The following NELL2 variants were observed in gnomAD, a reference collection of about 807,000 sequenced individuals.
NELL2 encodes neural EGFL like 2.
A neutral mutation model predicts 109.6 loss-of-function variants in NELL2; 41 were observed. The observed-to-expected ratio is 0.37, with a 90% CI of 0.29 to 0.49. The LOEUF is 0.49. NELL2 is among the 20% of genes least tolerant of loss of function. The pLI is 0.98. For synonymous variants in NELL2, 355 were observed against 344.7 expected (o/e 1.03, Z -0.33); for missense variants, 900 against 1,008.3 (o/e 0.89, Z 1.45).
intron 14 of NELL2, 138 bp from the exon 15 acceptor site, chr12:44,607,402 A>T: frequency 1.7e-6 from 1 of 604,626 alleles, no homozygotes; most frequent in Non-Finnish European, 2.8e-6. Context: ...TTCATGTAAT[A>T]TTTCCCATAC....
chr12:44,890,625 A>G (rs1279999458), intron 1 of NELL2, among the ~76,000 whole-genome samples: 1 of 152,116 alleles, frequency 6.6e-6, no homozygotes, highest in Non-Finnish European at 1.5e-5. Flanking sequence ...TGTTTTTTTC[A>G]GGTCACCTCC....
At chr12:44,665,755 T>C in intron 12 of NELL2, 146 bp from the exon 13 acceptor site, 3 of 924,634 alleles carry the variant, frequency 3.2e-6, no homozygotes, top group Non-Finnish European at 3.0e-6. Flanking sequence ...GCTAGGAGTG[T>C]TTAATGTTCA....
intron 15 of NELL2, among the ~76,000 whole-genome samples, chr12:44,542,181 C>A (rs1391470889): frequency 1.3e-5 from 2 of 152,052 alleles, no homozygotes; most frequent in Non-Finnish European, 2.9e-5. Context: ...CAGAGAAAAA[C>A]CTATCAGTAG....
chr12:44,749,671 T>C (rs1391116809), intron 9 of NELL2, among the ~76,000 whole-genome samples: 1 of 152,126 alleles, frequency 6.6e-6, no homozygotes, highest in Non-Finnish European at 1.5e-5. Flanking sequence ...ACACGAATAA[T>C]GAAGTGAAGT....
At chr12:44,864,121 A>G (rs1372734199) in intron 2 of NELL2, among the ~76,000 whole-genome samples, 2 of 152,196 alleles carry the variant, frequency 1.3e-5, no homozygotes, top group East Asian at 1.9e-4. Flanking sequence ...TCACCTAAGC[A>G]CAAAGGAAGA....
At chr12:44,817,528 G>A (rs561784890) in intron 2 of NELL2, among the ~76,000 whole-genome samples, 24 of 152,228 alleles carry the variant, frequency 1.6e-4, no homozygotes, top group Middle Eastern at 3.4e-3. Flanking sequence ...AATCTGAAGG[G>A]AAGGCTCAAT....
At chr12:44,565,709 T>C (rs1565935992) in intron 15 of NELL2, among the ~76,000 whole-genome samples, 2 of 152,178 alleles carry the variant, frequency 1.3e-5, no homozygotes, top group East Asian at 3.9e-4. Context: ...TAAATGTCTC[T>C]GGGCATAGGG....
intron 2 of NELL2, among the ~76,000 whole-genome samples, chr12:44,828,203 T>C (rs924356169): frequency 2.0e-5 from 3 of 152,154 alleles, no homozygotes. Flanking sequence ...GCTCCTTACG[T>C]ATTCTGGTTA....
chr12:44,801,903 G>GA (rs973975257), intron 3 of NELL2, among the ~76,000 whole-genome samples: 6 of 148,414 alleles, frequency 4.0e-5, no homozygotes, highest in African/African-American at 1.5e-4. Context: ...AGAGGATACA[G>GA]AAAAAAAAAG....
chr12:44,562,390 T>C (rs1241837345), intron 15 of NELL2, among the ~76,000 whole-genome samples: 1 of 152,070 alleles, frequency 6.6e-6, no homozygotes, highest in Non-Finnish European at 1.5e-5. Flanking sequence ...GCCTACAGAA[T>C]GGGAGAAAAT....
At chr12:44,739,932 C>A (rs1278075612) in intron 9 of NELL2, among the ~76,000 whole-genome samples, 7 of 152,132 alleles carry the variant, frequency 4.6e-5, no homozygotes, top group African/African-American at 1.7e-4. Context: ...TATTAGAAGA[C>A]CGCATGATCA....
At chr12:44,526,752 T>G (rs7969466) in intron 16 of NELL2, among the ~76,000 whole-genome samples, 19,843 of 152,248 alleles carry the variant, frequency 0.13, 2,739 homozygotes, top group African/African-American at 0.35. Context: ...AGCAGAAGAA[T>G]GGGGAGGGAT....
Position 44,736,103 on chromosome 12 carries a change from C to T in NELL2, c.995-21362G>A, listed in dbSNP as rs973587904. ...TTGACTCACTGCAAGCTCCGCCTCC[C>T]GGGTTCACGCCATTCTCCTGCCTCA... On this transcript the variant is annotated intron_variant, in intron 9 of 19. Coordinates refer to ENST00000429094, the MANE Select transcript of NELL2 (RefSeq NM_001145108.2). Among the ~76,000 whole-genome samples, 12 of 150,860 alleles carry T rather than the reference C, an allele frequency of 8.0e-5. No homozygotes were observed. The East Asian group carries it at 1.6e-3, about 20-fold the overall frequency.
At chr12:44,897,829 C>T (rs1945612352) in intron 1 of NELL2, among the ~76,000 whole-genome samples, 1 of 151,902 alleles carries the variant, frequency 6.6e-6, no homozygotes, top group South Asian at 2.1e-4. Flanking sequence ...CTCAGTGGAT[C>T]CCACCCCTAC....
intron 11 of NELL2, among the ~76,000 whole-genome samples, chr12:44,705,885 C>T (rs1453756040): frequency 6.6e-6 from 1 of 152,160 alleles, no homozygotes; most frequent in Non-Finnish European, 1.5e-5. Context: ...TTCTGATACA[C>T]CTTTTTTTCA....
chr12:44,701,177 G>A (rs916470821), intron 12 of NELL2, among the ~76,000 whole-genome samples: 3 of 151,902 alleles, frequency 2.0e-5, no homozygotes, highest in African/African-American at 7.3e-5. Flanking sequence ...CAAAAGGAAA[G>A]CCATATTTGA....
At chr12:44,581,381 C>T (rs1019600703) in intron 15 of NELL2, among the ~76,000 whole-genome samples, 1 of 152,174 alleles carries the variant, frequency 6.6e-6, no homozygotes, top group Non-Finnish European at 1.5e-5. Context: ...AGGGTTATAA[C>T]TCAATTCATC....
At chr12:44,859,609 T>C (rs908234300) in intron 2 of NELL2, among the ~76,000 whole-genome samples, 1 of 152,146 alleles carries the variant, frequency 6.6e-6, no homozygotes, top group Non-Finnish European at 1.5e-5. Flanking sequence ...GCCTCAGTTA[T>C]CAGTTAGTAC....
chr12:44,887,774 T>G (rs530415583), intron 1 of NELL2, among the ~76,000 whole-genome samples: 15 of 152,042 alleles, frequency 9.9e-5, no homozygotes, highest in Admixed American at 2.6e-4. Flanking sequence ...TTCTCCCACT[T>G]TGTGGGTTGT....
Sources: allele counts gnomAD v4.1 joint callset (sites outside exome capture counted in the v4.1 genomes callset), GRCh38; gene constraint gnomAD v4.1.1; transcripts MANE v1.5; gene names NCBI Gene and HGNC (gene_info 2026-07-23, HGNC 2026-07-21).